The following GPHN variants were observed in gnomAD, a reference collection of about 807,000 sequenced individuals.
GPHN encodes the protein gephyrin.
A neutral mutation model predicts 95.5 loss-of-function variants in GPHN; 17 were observed. That is an observed-to-expected ratio of 0.18 (90% CI 0.12 to 0.27). The LOEUF is 0.27. GPHN is among the 10% of genes least tolerant of loss of function. The pLI is 1.00. For missense variants in GPHN, 660 were observed against 978.1 expected (o/e 0.67, Z 4.34); for synonymous variants, 320 against 322.5 (o/e 0.99, Z 0.08).
the GPHN span, chr14:67,395,670 C>T: frequency 9.2e-7 from 1 of 1,092,666 alleles, no homozygotes; most frequent in Non-Finnish European, 1.4e-6. Flanking sequence ...CCGGGAGAAT[C>T]TAGGTGACAG....
intron 9 of GPHN, among the ~76,000 whole-genome samples, chr14:66,987,357 C>T (rs1160997982): frequency 6.6e-6 from 1 of 152,048 alleles, no homozygotes; most frequent in Non-Finnish European, 1.5e-5. Context: ...GCACCATGTA[C>T]TGTAAACTGG....
At chr14:66,705,204 A>G (rs959444333) in intron 2 of GPHN, among the ~76,000 whole-genome samples, 3 of 152,270 alleles carry the variant, frequency 2.0e-5, no homozygotes, top group Non-Finnish European at 4.4e-5. Flanking sequence ...GCCCAGGACC[A>G]GATGAATTCA....
At chr14:66,694,914 T>C (rs1459616795) in intron 2 of GPHN, among the ~76,000 whole-genome samples, 1 of 152,110 alleles carries the variant, frequency 6.6e-6, no homozygotes, top group African/African-American at 2.4e-5. Flanking sequence ...TCCCAACACT[T>C]TGGGAGGCCA....
chr14:67,642,104 C>T, the GPHN span: 8 of 1,310,830 alleles, frequency 6.1e-6, no homozygotes, highest in Middle Eastern at 1.9e-4. Context: ...TACTTTGTCA[C>T]GTATTATCAT....
Position 66,686,148 on chromosome 14 carries a change from A to G in GPHN, c.143+4963A>G, listed in dbSNP as rs998293841. ...AGTACCATGCTGGTTTGGTTACTGT[A>G]GCCTTGTAGTATAGTTTGAAGTCAG... is the stretch of plus-strand genomic sequence containing the variant. On this transcript the variant is annotated intron_variant, in intron 2 of 22. Transcript: ENST00000478722. 3.1e-4 allele frequency among the ~76,000 whole-genome samples: 47 copies of G among 152,288 alleles called. 1 individual carries two copies. Among genetic ancestry groups the G allele is most frequent in the Admixed American group, 1.7e-3 (26 of 15,300 alleles).
intron 3 of GPHN, 66 bp downstream of exon 3, chr14:66,776,587 C>T (rs1247677146): frequency 1.1e-6 from 1 of 908,154 alleles, no homozygotes; most frequent in African/African-American, 1.6e-5. Flanking sequence ...GGAAGAGTTG[C>T]TTTTTCTTTA....
At chr14:66,728,334 G>A (rs764132299) in intron 2 of GPHN, among the ~76,000 whole-genome samples, 2 of 152,128 alleles carry the variant, frequency 1.3e-5, no homozygotes, top group East Asian at 3.9e-4. Flanking sequence ...ACTGGGGCAC[G>A]GCCTAGTGGA....
chr14:66,708,611 G>A (rs959757258), intron 2 of GPHN, among the ~76,000 whole-genome samples: 1 of 152,010 alleles, frequency 6.6e-6, no homozygotes, highest in Non-Finnish European at 1.5e-5. Context: ...AACATGATAA[G>A]GAAAGAATAT....
At chr14:67,730,842 G>C in the GPHN span, among the ~76,000 whole-genome samples, 2 of 152,150 alleles carry the variant, frequency 1.3e-5, no homozygotes, top group African/African-American at 4.8e-5. Context: ...GACGTCAGTT[G>C]ATCCACCTGC....
the GPHN span, chr14:67,662,978 T>G: frequency 1.5e-6 from 2 of 1,376,030 alleles, no homozygotes; most frequent in African/African-American, 3.0e-5. Flanking sequence ...AGTGAACCAC[T>G]TCTATGTTAA....
chr14:67,582,848 AAAACAAAC>A, the GPHN span, among the ~76,000 whole-genome samples: 3 of 152,118 alleles, frequency 2.0e-5, no homozygotes, highest in Non-Finnish European at 4.4e-5. The surrounding 1 kb of genome is among the most constrained non-coding windows in gnomAD (Gnocchi z 5.0). Context: ...AAAACAAAAC[AAAACAAAC>A]AAACAAACAA....
chr14:67,313,630 G>A, the GPHN span, among the ~76,000 whole-genome samples: 1 of 152,132 alleles, frequency 6.6e-6, no homozygotes, highest in East Asian at 1.9e-4. Flanking sequence ...GATAAAAATA[G>A]GGATATAGAG....
At chr14:66,509,569 G>T (rs2057953788) in intron 1 of GPHN, among the ~76,000 whole-genome samples, 1 of 152,148 alleles carries the variant, frequency 6.6e-6, no homozygotes, top group Admixed American at 6.5e-5. Context: ...GGATTTGTAG[G>T]GGTTTCTGCT....
At position 66,722,444 on chromosome 14, in the gene GPHN, T is replaced by TGTTA. The variant is rs1404340940; in HGVS notation, c.143+41262_143+41263insAGTT. On this transcript the variant is annotated intron_variant, in intron 2 of 22. Coordinates refer to ENST00000478722, the MANE Select transcript of GPHN (RefSeq NM_020806.5). ...TATTAATACTAAGGCTTTGTTTGTT[T>TGTTA]GTTTTTTGTTTTTAAGAGACAAGGT... 3.3e-5 allele frequency among the ~76,000 whole-genome samples: 5 copies of TGTTA among 152,158 alleles called. No individual in the cohort carries two copies. The East Asian group carries it at 9.7e-4, about 29-fold the overall frequency.
At position 66,508,175 on chromosome 14, in the gene GPHN, G is replaced by A. The variant is rs1054977618; in HGVS notation, c.-353G>A. The A allele has an allele frequency of 1.3e-5, 6 of 479,920 alleles. No individual in the cohort carries two copies. The highest frequency in any genetic ancestry group is 2.3e-5 in the Non-Finnish European group (6 of 260,954). 29.7% of individuals were successfully genotyped at this position (479,920 alleles called of 1,614,324 possible). ...TTCCTCTCAGTCCTGCCATCTAGCT[G>A]CCTTGGGTCTCGCGCTCCGCAGAGC... On this transcript the variant is annotated 5_prime_UTR_variant, in exon 1 of 23. Transcript: ENST00000478722.
At chr14:66,739,392 A>G (rs1042086563) in intron 2 of GPHN, among the ~76,000 whole-genome samples, 2 of 150,468 alleles carry the variant, frequency 1.3e-5, no homozygotes, top group Non-Finnish European at 3.0e-5. Flanking sequence ...AATTTTTTGT[A>G]TTTTTAGTAA....
chr14:66,762,087 G>A (rs372000919), intron 2 of GPHN, among the ~76,000 whole-genome samples: 1 of 151,202 alleles, frequency 6.6e-6, no homozygotes, highest in Non-Finnish European at 1.5e-5. Context: ...GAATTTATGG[G>A]TACGCCATCT....
the GPHN span, among the ~76,000 whole-genome samples, chr14:67,314,520 C>T: frequency 1.1e-3 from 170 of 152,274 alleles, 1 homozygote; most frequent in African/African-American, 3.7e-3. Flanking sequence ...ACCCGTGATT[C>T]TTCAGAGTAA....
intron 5 of GPHN, among the ~76,000 whole-genome samples, chr14:66,898,475 A>AAG (rs888129946): frequency 5.6e-5 from 8 of 143,958 alleles, no homozygotes; most frequent in Non-Finnish European, 1.1e-4. Flanking sequence ...TTAAAAAAAA[A>AAG]AAAAAAAAAA....
Sources: gnomAD v4.1 joint callset for allele counts (sites outside exome capture counted in the v4.1 genomes callset) on GRCh38, gnomAD v4.1.1 for gene constraint, Gnocchi (gnomAD v3.1) non-coding constraint, MANE v1.5 for transcripts, NCBI Gene and HGNC (gene_info 2026-07-23, HGNC 2026-07-21) for gene names.